PTPRT: variants seen among roughly 807,000 people sequenced by gnomAD.
PTPRT encodes the protein protein tyrosine phosphatase receptor type T.
PTPRT carries 56 observed loss-of-function variants against 176.8 expected under a neutral mutation model. The ratio of observed to expected loss-of-function variants is 0.32; its 90% CI spans 0.26 to 0.40. The LOEUF is 0.40. Ranked by LOEUF, PTPRT falls within the 10% of genes least tolerant of loss-of-function variation. The pLI is 1.00. For missense variants in PTPRT, 1,540 were observed against 1,908.2 expected, an observed-to-expected ratio of 0.81 and a Z score of 3.60; for synonymous variants, 783 against 739.0, an observed-to-expected ratio of 1.06 and a Z score of -0.96.
chr20:42,507,809 C>T (rs779278969), intron 7 of PTPRT, among the ~76,000 whole-genome samples: 97 of 150,830 alleles, frequency 6.4e-4, no homozygotes, highest in Non-Finnish European at 4.6e-4. Flanking sequence ...CCAGGGTAGC[C>T]GGTCAGGTCC....
intron 9 of PTPRT, among the ~76,000 whole-genome samples, chr20:42,399,721 A>G (rs1044456708): frequency 6.6e-6 from 1 of 152,166 alleles, no homozygotes; most frequent in African/African-American, 2.4e-5. Flanking sequence ...CTAGCAGCCA[A>G]ATTGTTTTGA....
intron 12 of PTPRT, among the ~76,000 whole-genome samples, chr20:42,291,101 C>A (rs2057309966): frequency 6.6e-6 from 1 of 152,132 alleles, no homozygotes; most frequent in African/African-American, 2.4e-5. Context: ...GGAATTTAGA[C>A]CTGACCTCAG....
chr20:42,988,626 G>A (rs550728094), intron 1 of PTPRT, among the ~76,000 whole-genome samples: 128 of 152,336 alleles, frequency 8.4e-4, no homozygotes, highest in African/African-American at 3.0e-3. Context: ...CACAGGACCA[G>A]CAGAGCCACT....
intron 7 of PTPRT, among the ~76,000 whole-genome samples, chr20:42,513,201 G>GGTGTCT (rs2071990808): frequency 6.9e-6 from 1 of 144,566 alleles, no homozygotes; most frequent in Non-Finnish European, 1.5e-5. Context: ...CTATTGATGG[G>GGTGTCT]GTGTGTGTGT....
At chr20:42,891,747 A>C (rs1215276431) in intron 1 of PTPRT, among the ~76,000 whole-genome samples, 2 of 152,214 alleles carry the variant, frequency 1.3e-5, no homozygotes, top group African/African-American at 2.4e-5. Context: ...AGGAACTAAA[A>C]GATTCGTTGG....
intron 6 of PTPRT, among the ~76,000 whole-genome samples, chr20:42,711,253 T>C (rs2076140387): frequency 6.6e-6 from 1 of 152,178 alleles, no homozygotes; most frequent in African/African-American, 2.4e-5. Flanking sequence ...AAGGACATGA[T>C]ATTTGGGGTC....
chr20:42,939,978 A>G (rs551734673), intron 1 of PTPRT, among the ~76,000 whole-genome samples: 4 of 152,158 alleles, frequency 2.6e-5, no homozygotes, highest in Admixed American at 6.5e-5. Flanking sequence ...ACCCACTGAG[A>G]GCAATGGATA....
chr20:42,320,313 T>G (rs1222837524), intron 11 of PTPRT, among the ~76,000 whole-genome samples: 2 of 152,258 alleles, frequency 1.3e-5, no homozygotes, highest in East Asian at 3.9e-4. Flanking sequence ...ATGGTTTAAA[T>G]GGTGGCTTGA....
intron 21 of PTPRT, chr20:42,115,980 C>T: frequency 1.4e-6 from 1 of 714,560 alleles, no homozygotes; most frequent in Non-Finnish European, 2.6e-6. Context: ...GTTTAAGTCG[C>T]ACTCATGGAT....
chr20:42,755,783 T>C (rs2076823026), intron 6 of PTPRT, among the ~76,000 whole-genome samples: 1 of 152,148 alleles, frequency 6.6e-6, no homozygotes, highest in South Asian at 2.1e-4. Flanking sequence ...CGTGGAATTA[T>C]CGAAATGACT....
intron 6 of PTPRT, among the ~76,000 whole-genome samples, chr20:42,702,427 T>G (rs1376910375): frequency 1.3e-5 from 2 of 152,122 alleles, no homozygotes; most frequent in Non-Finnish European, 2.9e-5. Context: ...TGCAGAGGCT[T>G]TAAAAGGCTG....
chr20:42,756,478 C>T lies in PTPRT; in HGVS notation c.843G>A (p.Ala281=), dbSNP rs750555200. 7.0e-6 allele frequency: 11 copies of T among 1,581,010 alleles called. No homozygotes were observed. In the East Asian group the frequency reaches 9.1e-5, roughly 13 times the overall value. Residue 281 remains alanine, a synonymous_variant, in exon 6 of 31, where the codon GCG becomes GCA. Coordinates refer to ENST00000373187, the MANE Select transcript of PTPRT (RefSeq NM_007050.6). The stretch of plus-strand genomic sequence containing the variant: ...GGCACTCACCTTTCACGATCAGCTC[C>T]GCGTAGTTGGACACACCAGACCCAC... ...SDGGSGVSNY[A]ELIVKEPPTP...
intron 11 of PTPRT, among the ~76,000 whole-genome samples, 176 bp from the exon 12 acceptor site, chr20:42,316,172 C>T (rs2227157): frequency 0.43 from 66,006 of 151,980 alleles, 15,738 homozygotes; most frequent in African/African-American, 0.63. Flanking sequence ...ACTTTACCTC[C>T]ACTTAGCTGT....
At chr20:42,997,177 C>T (rs1176960037) in intron 1 of PTPRT, among the ~76,000 whole-genome samples, 1 of 152,124 alleles carries the variant, frequency 6.6e-6, no homozygotes, top group African/African-American at 2.4e-5. Context: ...ATCTCCCACC[C>T]CCATTTGCTT....
chr20:42,716,234 T>C (rs2076220793), intron 6 of PTPRT, among the ~76,000 whole-genome samples: 1 of 152,122 alleles, frequency 6.6e-6, no homozygotes, highest in South Asian at 2.1e-4. Flanking sequence ...AAATAATTGC[T>C]ATTTAAAAAA....
intron 9 of PTPRT, among the ~76,000 whole-genome samples, chr20:42,388,125 C>A (rs1022744784): frequency 7.2e-5 from 11 of 152,020 alleles, no homozygotes; most frequent in Non-Finnish European, 1.6e-4. Flanking sequence ...TAGGACAGTC[C>A]CCAAAATAAA....
chr20:42,486,331 A>T (rs1413579748), intron 7 of PTPRT, among the ~76,000 whole-genome samples: 1 of 152,186 alleles, frequency 6.6e-6, no homozygotes, highest in African/African-American at 2.4e-5. Flanking sequence ...CCTCTACAAA[A>T]TATAGAGCTC....
chr20:42,521,411 G>A (rs569656705), intron 7 of PTPRT, among the ~76,000 whole-genome samples: 20 of 152,276 alleles, frequency 1.3e-4, no homozygotes, highest in East Asian at 3.9e-4. Context: ...GTCTCAGAAT[G>A]ACAGAAGTAA....
chr20:43,148,619 GGTGTTCCCAT>G (rs2014245268), intron 1 of PTPRT, among the ~76,000 whole-genome samples: 1 of 152,158 alleles, frequency 6.6e-6, no homozygotes, highest in Non-Finnish European at 1.5e-5. Flanking sequence ...TAAAAGAAGA[GGTGTTCCCAT>G]CCAGTGGGTC....
Sources: gnomAD v4.1 joint callset for allele counts (sites outside exome capture counted in the v4.1 genomes callset) on GRCh38, gnomAD v4.1.1 for gene constraint, MANE v1.5 for transcripts, NCBI Gene and HGNC (gene_info 2026-07-23, HGNC 2026-07-21) for gene names.